ADGRB3: variants seen among roughly 807,000 people sequenced by gnomAD.
ADGRB3 encodes brain-specific angiogenesis inhibitor 3.
In ADGRB3, 37 loss-of-function variants were observed where a neutral mutation model predicts 193.4. The observed-to-expected ratio is 0.19, with a 90% CI of 0.15 to 0.25. The LOEUF (loss-of-function observed/expected upper bound fraction) is 0.25. Ranked by LOEUF, ADGRB3 falls within the 10% of genes least tolerant of loss-of-function variation. The pLI is 1.00. For synonymous variants in ADGRB3, 690 were observed against 644.2 expected, an observed-to-expected ratio of 1.07 and a Z score of -1.08; for missense variants, 1,637 against 1,852.9, an observed-to-expected ratio of 0.88 and a Z score of 2.14.
intron 17 of ADGRB3, among the ~76,000 whole-genome samples, chr6:69,108,271 A>C (rs141841953): frequency 3.9e-5 from 6 of 152,258 alleles, no homozygotes; most frequent in African/African-American, 1.2e-4. Context: ...TGAAGTGGCT[A>C]AGGGTTTACC....
At chr6:69,333,713 G>A (rs1768775900) in intron 24 of ADGRB3, among the ~76,000 whole-genome samples, 1 of 150,836 alleles carries the variant, frequency 6.6e-6, no homozygotes, top group Non-Finnish European at 1.5e-5. Flanking sequence ...ACTTTGGGAG[G>A]CTGAGGTGGG....
At chr6:68,701,491 C>T (rs887402689) in intron 3 of ADGRB3, among the ~76,000 whole-genome samples, 7 of 152,254 alleles carry the variant, frequency 4.6e-5, no homozygotes, top group African/African-American at 1.2e-4. Flanking sequence ...ATATGTAACA[C>T]GAAACCTATT....
chr6:68,986,509 A>T (rs1769080627), intron 10 of ADGRB3, among the ~76,000 whole-genome samples: 1 of 152,212 alleles, frequency 6.6e-6, no homozygotes, highest in Admixed American at 6.6e-5. Flanking sequence ...ATTAAGAAAT[A>T]TTCATTTACC....
At chr6:68,641,531 T>A (rs572243405) in intron 3 of ADGRB3, among the ~76,000 whole-genome samples, 1 of 152,144 alleles carries the variant, frequency 6.6e-6, no homozygotes, top group Non-Finnish European at 1.5e-5. Flanking sequence ...GTTAATAGAG[T>A]TGAACTAGAA....
At chr6:68,952,256 T>TATCTGGATTAA (rs1767948031) in intron 6 of ADGRB3, among the ~76,000 whole-genome samples, 2 of 152,028 alleles carry the variant, frequency 1.3e-5, no homozygotes, top group Non-Finnish European at 2.9e-5. Flanking sequence ...TAATCCAGAA[T>TATCTGGATTAA]ATCACTGAAA....
intron 3 of ADGRB3, among the ~76,000 whole-genome samples, chr6:68,644,283 C>T (rs1021509310): frequency 2.6e-5 from 4 of 151,974 alleles, no homozygotes; most frequent in Non-Finnish European, 4.4e-5. Flanking sequence ...TTCCTGATCT[C>T]CAAGGTGTTA....
At chr6:68,944,384 C>T (rs1040484980) in intron 6 of ADGRB3, among the ~76,000 whole-genome samples, 2 of 152,108 alleles carry the variant, frequency 1.3e-5, no homozygotes, top group African/African-American at 2.4e-5. Context: ...TATTCTCTTA[C>T]ACTTATTCAA....
intron 3 of ADGRB3, among the ~76,000 whole-genome samples, chr6:68,884,183 A>G (rs543428958): frequency 1.6e-4 from 24 of 152,298 alleles, no homozygotes; most frequent in Admixed American, 9.8e-4. Flanking sequence ...AGGCTTTAAC[A>G]TATACTCTTT....
intron 3 of ADGRB3, among the ~76,000 whole-genome samples, chr6:68,895,221 ATT>A (rs35758730): frequency 0.014 from 2,018 of 147,276 alleles, 28 homozygotes; most frequent in African/African-American, 0.038. Context: ...GCTGAGACTA[ATT>A]TTTTTTTTTT....
intron 3 of ADGRB3, among the ~76,000 whole-genome samples, chr6:68,881,995 T>A (rs1171427763): frequency 6.6e-6 from 1 of 152,184 alleles, no homozygotes; most frequent in Non-Finnish European, 1.5e-5. Context: ...TTATGTGGAA[T>A]CTATGAATCC....
chr6:68,829,571 A>G (rs1476198446), intron 3 of ADGRB3, among the ~76,000 whole-genome samples: 1 of 152,282 alleles, frequency 6.6e-6, no homozygotes, highest in Admixed American at 6.5e-5. Context: ...ACATAAAACT[A>G]CTTAGATTCC....
At chr6:69,146,103 C>G (rs1774485106) in intron 17 of ADGRB3, among the ~76,000 whole-genome samples, 1 of 152,132 alleles carries the variant, frequency 6.6e-6, no homozygotes, top group African/African-American at 2.4e-5. Context: ...CCTCGTACCA[C>G]TTTTTATGGT....
At chr6:69,200,403 C>T (rs1039055557) in intron 17 of ADGRB3, among the ~76,000 whole-genome samples, 1 of 151,878 alleles carries the variant, frequency 6.6e-6, no homozygotes, top group Admixed American at 6.6e-5. Flanking sequence ...CATCAGTATA[C>T]AAATAAAATT....
intron 17 of ADGRB3, among the ~76,000 whole-genome samples, chr6:69,177,074 AT>A (rs1561943110): frequency 6.6e-6 from 1 of 152,044 alleles, no homozygotes; most frequent in African/African-American, 2.4e-5. Context: ...TCAAAGAACC[AT>A]TTTTGGTTTT....
chr6:69,093,691 A>T (rs1772783501), intron 17 of ADGRB3, among the ~76,000 whole-genome samples: 1 of 151,500 alleles, frequency 6.6e-6, no homozygotes, highest in African/African-American at 2.4e-5. Context: ...ATAGGGTGGG[A>T]AACCTACGTT....
chr6:69,229,937 A>G (rs1031134112), intron 17 of ADGRB3, among the ~76,000 whole-genome samples: 5 of 152,162 alleles, frequency 3.3e-5, no homozygotes, highest in African/African-American at 9.7e-5. Flanking sequence ...GTGTTTTTGA[A>G]TATGTACTTT....
rs533515969 is a variant in ADGRB3, at chr6:68,846,945, C to A, written c.758-83614C>A. Among the ~76,000 whole-genome samples, 407 of 152,260 alleles carry A rather than the reference C, an allele frequency of 2.7e-3. 1 individual carries two copies. The highest frequency in any genetic ancestry group is 9.3e-3 in the African/African-American group (388 of 41,560). ...GACACTCAATGCCAGCCTGTGAAAG[C>A]AGACAGGAGGGAGGCTGTACCATGC... is the stretch of plus-strand genomic sequence containing the variant. On this transcript the variant is annotated intron_variant, in intron 3 of 31. Transcript: ENST00000370598.
chr6:69,079,132 C>T (rs748935859), intron 17 of ADGRB3, among the ~76,000 whole-genome samples: 1 of 151,802 alleles, frequency 6.6e-6, no homozygotes, highest in Non-Finnish European at 1.5e-5. Context: ...AATCTATTAC[C>T]CAGATTATCT....
At chr6:68,720,742 A>G (rs1765561205) in intron 3 of ADGRB3, among the ~76,000 whole-genome samples, 4 of 151,808 alleles carry the variant, frequency 2.6e-5, no homozygotes, top group Non-Finnish European at 4.4e-5. Flanking sequence ...CACGGTTACC[A>G]TAAGAATCCC....
Sources: allele counts gnomAD v4.1 joint callset (sites outside exome capture counted in the v4.1 genomes callset), GRCh38; gene constraint gnomAD v4.1.1; transcripts MANE v1.5; gene names NCBI Gene and HGNC (gene_info 2026-07-23, HGNC 2026-07-21).